The following DNAAF4 variants were observed in gnomAD, a reference collection of about 807,000 sequenced individuals.
DNAAF4 encodes dynein axonemal assembly factor 4.
In DNAAF4, 43 loss-of-function variants were observed where a neutral mutation model predicts 51.8. The observed-to-expected ratio is 0.83, with a 90% CI of 0.65 to 1.07. The LOEUF is 1.07. DNAAF4 is among the 50% of genes least tolerant of loss of function. The pLI is 0.00. For synonymous variants in DNAAF4, 194 were observed against 165.6 expected, an observed-to-expected ratio of 1.17 and a Z score of -1.32; for missense variants, 581 against 493.0, an observed-to-expected ratio of 1.18 and a Z score of -1.69.
intron 8 of DNAAF4, among the ~76,000 whole-genome samples, chr15:55,433,911 T>G (rs377196288): frequency 2.9e-3 from 3 of 1,052 alleles, no homozygotes; most frequent in African/African-American, 4.0e-3. Flanking sequence ...ATATTATATA[T>G]AATTATATAT....
At chr15:55,458,285 T>TA (rs1265981324) in intron 5 of DNAAF4, among the ~76,000 whole-genome samples, 1 of 151,756 alleles carries the variant, frequency 6.6e-6, no homozygotes, top group Non-Finnish European at 1.5e-5. Flanking sequence ...AAGAAATTTT[T>TA]AAAAAAAGGA....
chr15:55,424,544 A>G (rs1423418006), intron 7 of DNAAF4, among the ~76,000 whole-genome samples: 1 of 152,188 alleles, frequency 6.6e-6, no homozygotes, highest in Non-Finnish European at 1.5e-5. Flanking sequence ...ACCAAACTCT[A>G]GATAGGCTCC....
rs1329525783 is a variant in DNAAF4 at position 55,498,490 on chromosome 15, C to G, written c.-161G>C. ...GCGCCAGCACCTCGCGGACTCCATG[C>G]GTGACTATCCAGGCGCCCAGACCAG... On this transcript the variant is annotated 5_prime_UTR_variant, in exon 2 of 10. Coordinates refer to ENST00000321149, the MANE Select transcript of DNAAF4 (RefSeq NM_130810.4). 1.3e-5 allele frequency: 13 copies of G among 1,002,234 alleles called. No homozygotes were observed. Among genetic ancestry groups the G allele is most frequent in the Non-Finnish European group, 1.8e-5 (13 of 723,952 alleles). 62.1% of individuals were successfully genotyped at this position (1,002,234 alleles called of 1,614,324 possible).
Position 55,446,302 on chromosome 15 carries a change from G to GC in DNAAF4, c.783+3919_783+3920insG, listed in dbSNP as rs1228103488. 1.8e-5 allele frequency among the ~76,000 whole-genome samples: 2 copies of GC among 113,140 alleles called. 1 individual carries two copies. Among genetic ancestry groups the GC allele is most frequent in the Admixed American group, 1.7e-4 (2 of 11,806 alleles). 74.2% of individuals were successfully genotyped at this position (113,140 alleles called of 152,430 possible). A position where few individuals can be genotyped will look rare whatever the true frequency, so the allele number is the denominator to read the frequency against. ...GCGCTCCTCACATCCCAGACGGGGG[G>GC]GGGGGGCAGCTGGGCAGAGGCACTC... On this transcript the variant is annotated intron_variant, in intron 6 of 9. Transcript: ENST00000321149.
chr15:55,443,563 G>A (rs960101199), intron 6 of DNAAF4, among the ~76,000 whole-genome samples: 1 of 152,264 alleles, frequency 6.6e-6, no homozygotes, highest in African/African-American at 2.4e-5. Flanking sequence ...TATATACCCA[G>A]TAATGGGATG....
Position 55,486,319 on chromosome 15 carries a change from G to C in DNAAF4, c.405+4804C>G, listed in dbSNP as rs116297867. 3.7e-3 allele frequency among the ~76,000 whole-genome samples: 561 copies of C among 151,632 alleles called. 3 individuals carry two copies. The highest frequency in any genetic ancestry group is 0.013 in the African/African-American group (547 of 41,360). ...AGCCATTCTCCTGCCTCAACCTCCAGAGTAGCTAAGATTACAGGTGCCTGC... is the reference window on the plus strand; with the variant it reads ...AGCCATTCTCCTGCCTCAACCTCCACAGTAGCTAAGATTACAGGTGCCTGC... On this transcript the variant is annotated intron_variant, in intron 4 of 9. Coordinates refer to ENST00000321149, the MANE Select transcript of DNAAF4 (RefSeq NM_130810.4).
chr15:55,444,315 T>G (rs2057762189), intron 6 of DNAAF4, among the ~76,000 whole-genome samples: 1 of 152,208 alleles, frequency 6.6e-6, no homozygotes, highest in Admixed American at 6.5e-5. Flanking sequence ...TTTCCCCATT[T>G]CTTGTTTTTG....
At position 55,478,973 on chromosome 15, in the gene DNAAF4, C is replaced by T. The variant is rs551668799; in HGVS notation, c.406-11812G>A. 9.5e-4 allele frequency among the ~76,000 whole-genome samples: 145 copies of T among 152,182 alleles called. 2 individuals are homozygous for T. The highest frequency in any genetic ancestry group is 3.4e-3 in the African/African-American group (141 of 41,538). On this transcript the variant is annotated intron_variant, in intron 4 of 9. Coordinates refer to ENST00000321149, the MANE Select transcript of DNAAF4 (RefSeq NM_130810.4). Reference sequence around the variant, plus strand: ...TGATCATGTAAGCTATGCAGTTACCCAGACTGCATCATTTAGAAAACTTGT... The same window carrying T: ...TGATCATGTAAGCTATGCAGTTACCTAGACTGCATCATTTAGAAAACTTGT...
intron 4 of DNAAF4, among the ~76,000 whole-genome samples, chr15:55,488,833 A>G (rs927948196): frequency 1.3e-5 from 2 of 152,220 alleles, no homozygotes; most frequent in Admixed American, 6.5e-5. Context: ...TCACACCTGT[A>G]ATCCCAGCAC....
In DNAAF4 at chr15:55,421,899, T is replaced by TATAATA. The variant is rs72198850; in HGVS notation, c.1048-3772_1048-3767dup. 2.4e-3 allele frequency among the ~76,000 whole-genome samples: 336 copies of TATAATA among 139,658 alleles called. 3 individuals carry two copies. Among genetic ancestry groups the TATAATA allele is most frequent in the Middle Eastern group, 7.3e-3 (2 of 274 alleles). The allele number at this position is 139,658 out of a possible 152,430, so 91.6% of individuals were successfully genotyped here. ...AGGGAAACTCCGTCTCAAAAAAATG[T>TATAATA]ATAATAATAATAATAATAATAATAA... is the stretch of plus-strand genomic sequence containing the variant. On this transcript the variant is annotated intron_variant, in intron 7 of 7. Transcript: ENST00000448430.
At chr15:55,470,234 TAG>T (rs2058234404) in intron 4 of DNAAF4, among the ~76,000 whole-genome samples, 1 of 152,040 alleles carries the variant, frequency 6.6e-6, no homozygotes, top group Admixed American at 6.6e-5. Context: ...GTATTTTTAG[TAG>T]AGACAGGGTT....
chr15:55,450,305 A>C lies in DNAAF4; in HGVS notation c.700T>G (p.Ser234Ala). The C allele has an allele frequency of 6.2e-7, 1 of 1,614,048 alleles. No homozygotes were observed. Among genetic ancestry groups the C allele is most frequent in the Admixed American group, 1.7e-5 (1 of 60,002 alleles). ...LKEDSIPAPR[S>A]VGSIKINFTP... ...AAGTTGATTTTAATACTGCCAACAG[A>C]GCGAGGAGCAGGAATACTGTCTTCC... The change falls in exon 6 of 10, where the codon TCT becomes GCT. Residue 234 changes from serine to alanine, a missense_variant. Ser to Ala is a moderately conservative substitution (Grantham distance 99). Coordinates refer to ENST00000321149, the MANE Select transcript of DNAAF4 (RefSeq NM_130810.4).
rs539827381 is a variant in DNAAF4 at position 55,430,881 on chromosome 15, T to G, written c.1154-102A>C. The G allele has an allele frequency of 1.5e-4, 137 of 938,890 alleles. No individual in the cohort carries two copies. The South Asian group carries it at 2.0e-3, about 13-fold the overall frequency. 58.2% of individuals were successfully genotyped at this position (938,890 alleles called of 1,614,324 possible). A position where few individuals can be genotyped will look rare whatever the true frequency, so the allele number is the denominator to read the frequency against. On this transcript the variant is annotated intron_variant, in intron 9 of 9. Coordinates refer to ENST00000321149, the MANE Select transcript of DNAAF4 (RefSeq NM_130810.4). The stretch of plus-strand genomic sequence containing the variant: ...AAAATAAAAATAATCACTAGTAGCA[T>G]GGTTCAGAACAAGTACCAAGTTTTA...
chr15:55,437,184 C>G (rs2057627034), intron 7 of DNAAF4, among the ~76,000 whole-genome samples: 1 of 152,182 alleles, frequency 6.6e-6, no homozygotes, highest in Non-Finnish European at 1.5e-5. Context: ...GTGTACGTCT[C>G]TCTCCTCCTG....
chr15:55,430,705 G>A lies in DNAAF4; in HGVS notation c.1228C>T (p.Arg410Trp), dbSNP rs749119169. 20 of 1,612,826 alleles carry A rather than the reference G, an allele frequency of 1.2e-5. No homozygotes were observed. Among genetic ancestry groups the A allele is most frequent in the Middle Eastern group, 1.6e-4 (1 of 6,070 alleles). Residue 410 changes from arginine (R) to tryptophan (W), a missense_variant, in exon 10 of 10, where the codon CGG becomes TGG. By Grantham distance (101) the Arg-to-Trp change is moderately radical (BLOSUM62 -3). Transcript: ENST00000321149. ...KIVQIDAEKI[R>W]NVIQGTELKS is the part of the protein sequence containing the mutation. ...AGTTCTGTTCCTTGAATTACATTCC[G>A]AATCTTCTCAGCATCAATTTGTACA...
intron 4 of DNAAF4, among the ~76,000 whole-genome samples, chr15:55,470,067 T>TCC (rs143318258): frequency 6.7e-6 from 1 of 150,222 alleles, no homozygotes; most frequent in African/African-American, 2.5e-5. Flanking sequence ...TTTTTTTTTT[T>TCC]CTGAGACGGA....
chr15:55,426,537 G>A (rs2057432303), downstream of DNAAF4, among the ~76,000 whole-genome samples: 1 of 152,134 alleles, frequency 6.6e-6, no homozygotes, highest in African/African-American at 2.4e-5. Context: ...CTCAGTCATT[G>A]TCCTGCCTCA....
At chr15:55,424,611 A>G (rs1014740448) in intron 7 of DNAAF4, among the ~76,000 whole-genome samples, 1 of 152,214 alleles carries the variant, frequency 6.6e-6, no homozygotes, top group African/African-American at 2.4e-5. Context: ...TATCCAGGCT[A>G]GAGTGCAGTG....
intron 3 of DNAAF4, among the ~76,000 whole-genome samples, chr15:55,497,387 G>A (rs891775940): frequency 2.0e-5 from 3 of 152,064 alleles, no homozygotes; most frequent in Non-Finnish European, 2.9e-5. Context: ...CTTAATGACC[G>A]GTCAGGAGTG....
Sources: allele counts gnomAD v4.1 joint callset (sites outside exome capture counted in the v4.1 genomes callset), GRCh38; gene constraint gnomAD v4.1.1; transcripts MANE v1.5; gene names NCBI Gene and HGNC (gene_info 2026-07-23, HGNC 2026-07-21).